The following ADAMTSL3 variants were observed in gnomAD, a reference collection of about 807,000 sequenced individuals.
The protein encoded by ADAMTSL3 is ADAMTS-like protein 3.
Under a neutral mutation model 201.7 loss-of-function variants are expected in ADAMTSL3, and 128 were observed. The observed-to-expected ratio is 0.63, with a 90% CI of 0.55 to 0.73. The LOEUF (loss-of-function observed/expected upper bound fraction) is 0.73, where lower values mean the gene tolerates loss of function less well. ADAMTSL3 is among the 30% of genes least tolerant of loss of function. The pLI is 0.00. For missense variants in ADAMTSL3, 1,990 were observed against 2,119.6 expected (o/e 0.94, Z 1.20); for synonymous variants, 738 against 748.4 (o/e 0.99, Z 0.23).
intron 20 of ADAMTSL3, among the ~76,000 whole-genome samples, chr15:83,975,415 G>A (rs1414712579): frequency 2.0e-5 from 3 of 152,142 alleles, no homozygotes; most frequent in Non-Finnish European, 4.4e-5. Context: ...GCTGCTTCCA[G>A]TAACACCCAT....
intron 16 of ADAMTSL3, among the ~76,000 whole-genome samples, chr15:83,922,619 T>A (rs1413976007): frequency 6.6e-6 from 1 of 152,246 alleles, no homozygotes; most frequent in African/African-American, 2.4e-5. Context: ...TAGCCAATGT[T>A]TATTTTAAAA....
chr15:83,888,216 A>G (rs781003734), intron 10 of ADAMTSL3, among the ~76,000 whole-genome samples: 16 of 152,230 alleles, frequency 1.1e-4, no homozygotes, highest in Non-Finnish European at 2.1e-4. Context: ...GCCGTTTTCT[A>G]TACACTGGCA....
intron 3 of ADAMTSL3, among the ~76,000 whole-genome samples, chr15:83,767,780 A>T (rs1165071062): frequency 6.6e-6 from 1 of 152,202 alleles, no homozygotes; most frequent in African/African-American, 2.4e-5. Context: ...GTATTATTTC[A>T]TATTTTTATT....
intron 2 of ADAMTSL3, among the ~76,000 whole-genome samples, chr15:83,670,439 A>G (rs1200924159): frequency 1.3e-5 from 2 of 152,064 alleles, no homozygotes; most frequent in Non-Finnish European, 2.9e-5. Context: ...CAGTGGTGTT[A>G]TTTAAATTTT....
rs145687840 is a variant in ADAMTSL3, at chr15:83,748,038, GA to G, written c.190-25481del. On this transcript the variant is annotated intron_variant, in intron 3 of 29. Coordinates refer to ENST00000286744, the MANE Select transcript of ADAMTSL3 (RefSeq NM_207517.3). ...TTCCTCATATGTCATTCCCCTTAAA[GA>G]AAACATTTCTTCTCCTTTCTGTCTT... Among the ~76,000 whole-genome samples the G allele has an allele frequency of 8.7e-3, 1,316 of 152,068 alleles. 17 individuals are homozygous for G. The highest frequency in any genetic ancestry group is 0.029 in the African/African-American group (1,210 of 41,468).
At chr15:84,034,558 T>C (rs1008562035) in intron 28 of ADAMTSL3, among the ~76,000 whole-genome samples, 3 of 152,144 alleles carry the variant, frequency 2.0e-5, no homozygotes, top group Admixed American at 6.5e-5. Context: ...ACACAGAAAG[T>C]TGGTTTCTCA....
Position 83,892,683 on chromosome 15 carries a change from G to T in ADAMTSL3, c.1263-1G>T. 1 of 1,612,554 alleles carries T rather than the reference G, an allele frequency of 6.2e-7. No individual in the cohort carries two copies. Among genetic ancestry groups the T allele is most frequent in the African/African-American group, 1.3e-5 (1 of 74,972 alleles). The stretch of plus-strand genomic sequence containing the variant: ...TATAATTTTATTTGTTTGCTTTTGA[G>T]CTGGGAACATAATCCTTGGACTGCA... On this transcript the variant is annotated splice_acceptor_variant, in intron 12 of 29. Transcript: ENST00000286744. LOFTEE classifies it high-confidence loss of function.
chr15:84,005,669 C>G (rs1030162014), intron 23 of ADAMTSL3, among the ~76,000 whole-genome samples: 1 of 152,158 alleles, frequency 6.6e-6, no homozygotes, highest in African/African-American at 2.4e-5. Flanking sequence ...GCCCAGGGTA[C>G]GTGAGAGATG....
chr15:83,921,810 G>A (rs1387751389), intron 16 of ADAMTSL3, among the ~76,000 whole-genome samples: 1 of 151,838 alleles, frequency 6.6e-6, no homozygotes, highest in Non-Finnish European at 1.5e-5. Flanking sequence ...CCAGCCCCCC[G>A]AGTAGCTGGG....
At chr15:83,825,472 G>T (rs1014851835) in intron 6 of ADAMTSL3, among the ~76,000 whole-genome samples, 1 of 152,040 alleles carries the variant, frequency 6.6e-6, no homozygotes, top group Non-Finnish European at 1.5e-5. Flanking sequence ...AATTAGCTGG[G>T]TGTGTTGGCG....
intron 16 of ADAMTSL3, among the ~76,000 whole-genome samples, chr15:83,917,461 G>GTA (rs2066057240): frequency 7.0e-6 from 1 of 142,948 alleles, no homozygotes; most frequent in Non-Finnish European, 1.6e-5. Flanking sequence ...GTATGTATAT[G>GTA]TATGTATGCA....
intron 28 of ADAMTSL3, among the ~76,000 whole-genome samples, chr15:84,034,375 G>A (rs936446015): frequency 1.3e-5 from 2 of 152,108 alleles, no homozygotes; most frequent in Non-Finnish European, 2.9e-5. Context: ...TAGTGGCGTG[G>A]GCAGAGGATC....
At chr15:83,684,484 A>G (rs544819490) in intron 2 of ADAMTSL3, among the ~76,000 whole-genome samples, 116 of 152,250 alleles carry the variant, frequency 7.6e-4, no homozygotes, top group Non-Finnish European at 1.4e-3. Flanking sequence ...GGATCACTTG[A>G]GGCCAGGAGT....
At chr15:83,825,371 G>A (rs1221478251) in intron 6 of ADAMTSL3, among the ~76,000 whole-genome samples, 1 of 152,204 alleles carries the variant, frequency 6.6e-6, no homozygotes, top group Non-Finnish European at 1.5e-5. Context: ...AACACTTTGG[G>A]AGGCCAAGAC....
At position 83,833,532 on chromosome 15, in the gene ADAMTSL3, T is replaced by C. The variant is rs11857281; in HGVS notation, c.601-4557T>C. ...GAATTTTGGGTGTGGACACATTCAG[T>C]CTATAGCACATAGCTAGGAAGTGAT... On this transcript the variant is annotated intron_variant, in intron 6 of 29. Transcript: ENST00000286744. Among the ~76,000 whole-genome samples, 558 of 152,314 alleles carry C rather than the reference T, an allele frequency of 3.7e-3. 4 individuals are homozygous for C. The highest frequency in any genetic ancestry group is 0.013 in the African/African-American group (531 of 41,574).
At chr15:83,742,356 A>G (rs1390652262) in intron 3 of ADAMTSL3, among the ~76,000 whole-genome samples, 1 of 152,154 alleles carries the variant, frequency 6.6e-6, no homozygotes, top group Non-Finnish European at 1.5e-5. Context: ...TTAATTAGAG[A>G]AAACTTCCTA....
intron 19 of ADAMTSL3, among the ~76,000 whole-genome samples, chr15:83,946,599 T>C (rs2031489723): frequency 6.6e-6 from 1 of 152,216 alleles, no homozygotes; most frequent in Admixed American, 6.5e-5. Context: ...AGCAAGTAAA[T>C]ACTATTCCTC....
At position 83,805,581 on chromosome 15, in the gene ADAMTSL3, A is replaced by G. The variant is rs2063590721; in HGVS notation, c.363+886A>G. ...CAAAAAAAAAAAAATAAATAAATAA[A>G]TTGAAAATAAAAAATAAACACCAGA... On this transcript the variant is annotated intron_variant, in intron 5 of 29. Coordinates refer to ENST00000286744, the MANE Select transcript of ADAMTSL3 (RefSeq NM_207517.3). Among the ~76,000 whole-genome samples, 3 of 152,064 alleles carry G rather than the reference A, an allele frequency of 2.0e-5. No individual in the cohort carries two copies. The South Asian group carries it at 6.2e-4, about 31-fold the overall frequency.
chr15:84,010,802 A>G (rs905405976), intron 23 of ADAMTSL3, among the ~76,000 whole-genome samples: 3 of 152,200 alleles, frequency 2.0e-5, no homozygotes, highest in African/African-American at 7.2e-5. Context: ...AATACATTCA[A>G]TCAAAAAACA....
Sources: allele counts gnomAD v4.1 joint callset (sites outside exome capture counted in the v4.1 genomes callset), GRCh38; gene constraint gnomAD v4.1.1; transcripts MANE v1.5; gene names NCBI Gene and HGNC (gene_info 2026-07-23, HGNC 2026-07-21).